Variants in GSE1 observed in about 807,000 individuals in gnomAD.
GSE1 encodes genetic suppressor element 1.
A neutral mutation model predicts 112.6 loss-of-function variants in GSE1; 32 were observed. The ratio of observed to expected loss-of-function variants is 0.28; its 90% CI spans 0.21 to 0.38. The LOEUF is 0.38. Among genes scored for constraint, GSE1 ranks in the 10% least tolerant of loss-of-function variants. The probability of loss-of-function intolerance (pLI) is 1.00; values close to 1 mark genes in which losing one functional copy is unlikely to be tolerated. For synonymous variants in GSE1, 1,115 were observed against 735.6 expected (o/e 1.52, Z -8.35); for missense variants, 2,348 against 1,699.2 (o/e 1.38, Z -6.71).
intron 1 of GSE1, among the ~76,000 whole-genome samples, chr16:85,587,174 C>T (rs540784706): frequency 2.0e-5 from 3 of 150,262 alleles, no homozygotes; most frequent in African/African-American, 7.3e-5. Flanking sequence ...CGAAACCCCC[C>T]CCCCCCCAGA....
At chr16:85,544,726 G>A (rs573868515) in intron 2 of GSE1, among the ~76,000 whole-genome samples, 1 of 152,344 alleles carries the variant, frequency 6.6e-6, no homozygotes, top group Non-Finnish European at 1.5e-5. Context: ...TAACAACCCT[G>A]GCAGTGACTT....
At chr16:85,658,069 C>T (rs1366106368) in intron 8 of GSE1, among the ~76,000 whole-genome samples, 1 of 152,216 alleles carries the variant, frequency 6.6e-6, no homozygotes, top group African/African-American at 2.4e-5. Context: ...AGTAAAAACA[C>T]ATGCCCGTTT....
chr16:85,223,609 T>A (rs922293921), intron 1 of GSE1, among the ~76,000 whole-genome samples: 2 of 152,132 alleles, frequency 1.3e-5, no homozygotes, highest in African/African-American at 2.4e-5. Flanking sequence ...TTTTGTTTTT[T>A]AAATGTATTT....
Position 85,589,661 on chromosome 16 carries a change from C to G in GSE1, c.37+33298C>G, listed in dbSNP as rs564718990. 3.9e-5 allele frequency among the ~76,000 whole-genome samples: 6 copies of G among 152,154 alleles called. No individual in the cohort carries two copies. The South Asian group carries it at 6.2e-4, about 16-fold the overall frequency. On this transcript the variant is annotated intron_variant, in intron 1 of 2. Coordinates refer to the GSE1 transcript ENST00000635906. ...AGTGAATGTGTATGTGTGACGTGTG[C>G]AAATGTATGGCGGTGTATGGAATGT...
upstream of GSE1, among the ~76,000 whole-genome samples, chr16:85,612,709 G>C (rs1316740759): frequency 6.6e-6 from 1 of 151,552 alleles, no homozygotes; most frequent in Non-Finnish European, 1.5e-5. Flanking sequence ...TGGGGGGGGT[G>C]GGGCTTGGGT....
intron 2 of GSE1, among the ~76,000 whole-genome samples, chr16:85,456,504 G>C (rs2049828654): frequency 6.6e-6 from 1 of 151,988 alleles, no homozygotes; most frequent in African/African-American, 2.4e-5. Context: ...GTCCGGGGTG[G>C]TGTGGTAGGG....
At chr16:85,313,723 C>G (rs370379152) in intron 1 of GSE1, among the ~76,000 whole-genome samples, 1 of 152,210 alleles carries the variant, frequency 6.6e-6, no homozygotes, top group African/African-American at 2.4e-5. Flanking sequence ...GAGAGCTGTC[C>G]GGGAGCCTCT....
At chr16:85,303,329 G>T (rs1231895182) in intron 1 of GSE1, among the ~76,000 whole-genome samples, 5 of 152,238 alleles carry the variant, frequency 3.3e-5, no homozygotes, top group African/African-American at 1.2e-4. Flanking sequence ...CACCCTGGAA[G>T]TGAGGGTCTA....
chr16:85,237,213 C>T (rs1904753610), intron 1 of GSE1, among the ~76,000 whole-genome samples: 1 of 152,060 alleles, frequency 6.6e-6, no homozygotes. Flanking sequence ...ATCCCAGCTA[C>T]TCGGGAGGCT....
At chr16:85,190,228 G>A (rs1303315826) in intron 1 of GSE1, among the ~76,000 whole-genome samples, 12 of 152,232 alleles carry the variant, frequency 7.9e-5, no homozygotes, top group Non-Finnish European at 1.8e-4. Context: ...TTTGGCTTGA[G>A]TGGATTTTAT....
chr16:85,252,766 C>T (rs1006677071), intron 1 of GSE1, among the ~76,000 whole-genome samples: 20 of 152,228 alleles, frequency 1.3e-4, no homozygotes, highest in Admixed American at 1.2e-3. Context: ...TCACCTGCCC[C>T]GAGTTACAGG....
At chr16:85,389,773 T>A (rs796894899) in intron 2 of GSE1, among the ~76,000 whole-genome samples, 1 of 152,120 alleles carries the variant, frequency 6.6e-6, no homozygotes, top group Non-Finnish European at 1.5e-5. Context: ...AACTAACCCA[T>A]TGAATCCCCA....
rs774032060 is a variant in GSE1, at chr16:85,663,001, G to GACTCTT, written c.2284_2289dup (p.Ser762_Tyr763dup). 6.2e-7 allele frequency: 1 copy of GACTCTT among 1,611,568 alleles called. No individual in the cohort carries two copies. Among genetic ancestry groups the GACTCTT allele is most frequent in the Non-Finnish European group, 8.5e-7 (1 of 1,178,222 alleles). On this transcript the variant is annotated inframe_insertion, in exon 10 of 16. Transcript: ENST00000253458. ...ATCAGGGTACTACTACGACCTCGAT[G>GACTCTT]ACTCTTACGACGAGAGCGATGAGGA...
rs1329431244 is a variant in GSE1, at chr16:85,505,016, T to C, written c.2465-128898T>C. Among the ~76,000 whole-genome samples, 9 of 99,154 alleles carry C rather than the reference T, an allele frequency of 9.1e-5. No homozygotes were observed. The South Asian group carries it at 1.6e-3, about 18-fold the overall frequency. The allele number at this position is 99,154 out of a possible 152,430, so 65.0% of individuals were successfully genotyped here. A position where few individuals can be genotyped will look rare whatever the true frequency, so the allele number is the denominator to read the frequency against. ...CGTCAGCATCACATGTGCACACACA[T>C]GTGCACGCACACACAGCCCCACGTG... On this transcript the variant is annotated intron_variant, in intron 2 of 2. Coordinates refer to the GSE1 transcript ENST00000637419.
intron 2 of GSE1, among the ~76,000 whole-genome samples, chr16:85,635,257 C>T (rs2049893408): frequency 6.6e-6 from 1 of 152,084 alleles, no homozygotes; most frequent in South Asian, 2.1e-4. Flanking sequence ...GGTATTGGCC[C>T]AGGAGGGAGG....
intron 2 of GSE1, among the ~76,000 whole-genome samples, chr16:85,475,175 A>G (rs558537745): frequency 6.6e-6 from 1 of 152,112 alleles, no homozygotes; most frequent in Admixed American, 6.5e-5. Flanking sequence ...CAACTTTTCC[A>G]TCTCCTTTCC....
chr16:85,663,406 C>A lies in GSE1; in HGVS notation c.2436C>A (p.Ala812=), dbSNP rs2052588665. ...AACAGCAGAAGGAGGAATTGGTGGC[C>A]CAGAAGCGGAGGAAGCGGCGGAGGA... The part of the protein sequence containing the change: ...TTQQQKEELV[A]QKRRKRRRML... Residue 812 remains alanine, a synonymous_variant, in exon 11 of 16, where the codon GCC becomes GCA. Coordinates refer to ENST00000253458, the MANE Select transcript of GSE1 (RefSeq NM_014615.5). 6.2e-7 allele frequency: 1 copy of A among 1,613,830 alleles called. No homozygotes were observed.
chr16:85,255,193 C>A (rs1906937648), intron 1 of GSE1, among the ~76,000 whole-genome samples: 1 of 152,180 alleles, frequency 6.6e-6, no homozygotes, highest in Non-Finnish European at 1.5e-5. Flanking sequence ...CACACCACCC[C>A]ACCCGCTCCC....
upstream of GSE1, among the ~76,000 whole-genome samples, chr16:85,553,198 G>A (rs2045013650): frequency 6.6e-6 from 1 of 150,802 alleles, no homozygotes; most frequent in African/African-American, 2.4e-5. Context: ...GGGTGGGAGG[G>A]GAAAGCGGGG....
Sources: gnomAD v4.1 joint callset for allele counts (sites outside exome capture counted in the v4.1 genomes callset) on GRCh38, gnomAD v4.1.1 for gene constraint, MANE v1.5 for transcripts, NCBI Gene and HGNC (gene_info 2026-07-23, HGNC 2026-07-21) for gene names.